Variants in PCDH1 observed in about 807,000 individuals in gnomAD.
The protein encoded by PCDH1 is protocadherin 1.
A neutral mutation model predicts 74.6 loss-of-function variants in PCDH1; 23 were observed. That is an observed-to-expected ratio of 0.31 (90% CI 0.22 to 0.44). The LOEUF (loss-of-function observed/expected upper bound fraction) is 0.44. Among genes scored for constraint, PCDH1 ranks in the 20% least tolerant of loss-of-function variants. The pLI is 1.00. For missense variants in PCDH1, 1,214 were observed against 1,641.4 expected (o/e 0.74, Z 4.50); for synonymous variants, 647 against 686.1 (o/e 0.94, Z 0.89).
In PCDH1 at chr5:141,854,207, G is replaced by A; in HGVS notation, c.3549C>T (p.Ala1183=). The A allele has an allele frequency of 1.2e-6, 2 of 1,610,574 alleles. No individual in the cohort carries two copies. The highest frequency in any genetic ancestry group is 1.7e-6 in the Non-Finnish European group (2 of 1,177,776). ...TGTAGGAGGGCAGGAGGCGCACGGGGGCCGTTTTGGTGTTCCGGTCTTCCG... is the reference window on the plus strand; with the variant it reads ...TGTAGGAGGGCAGGAGGCGCACGGGAGCCGTTTTGGTGTTCCGGTCTTCCG... ...SPPEDRNTKT[A]PVRLLPSYSA... The change falls in exon 5 of 5, where the codon GCC becomes GCT. Residue 1183 remains alanine (A), a synonymous_variant. Transcript: ENST00000287008.
At chr5:141,862,985 G>A in intron 3 of PCDH1, 1 of 1,253,084 alleles carries the variant, frequency 8.0e-7, no homozygotes. Context: ...CAAATCACAG[G>A]TCTCTCCCCA....
chr5:141,854,576 A>G, intron 4 of PCDH1, 140 bp from the exon 5 acceptor site: 2 of 816,094 alleles, frequency 2.5e-6, no homozygotes, highest in Non-Finnish European at 3.7e-6. Context: ...TCACAGGCAC[A>G]CACACCCTCA....
chr5:141,878,015 C>T lies in PCDH1; in HGVS notation c.40+208G>A, dbSNP rs542548140. Among the ~76,000 whole-genome samples the T allele has an allele frequency of 2.0e-3, 312 of 152,292 alleles. 3 individuals carry two copies. The highest frequency in any genetic ancestry group is 7.1e-3 in the African/African-American group (296 of 41,580). ...CTCAGCACCCCCTCCCCTCCCTCGG[C>T]TTCTCGCCGCGGACCTGGGAGGACG... On this transcript the variant is annotated intron_variant, in intron 1 of 4. Transcript: ENST00000287008. This position sits in a 1 kb window ranked among gnomAD's most constrained non-coding sequence, Gnocchi z 5.5.
Position 141,863,333 on chromosome 5 carries a change from C to A in PCDH1, c.2998G>T (p.Ala1000Ser). 6.5e-7 allele frequency: 1 copy of A among 1,546,616 alleles called. No homozygotes were observed. The highest frequency in any genetic ancestry group is 8.7e-7 in the Non-Finnish European group (1 of 1,145,202). The change falls in exon 3 of 5, where the codon GCA becomes TCA. Residue 1000 changes from alanine (A) to serine (S), a missense_variant. Around this residue, in one of 4 missense-constraint regions of PCDH1, gnomAD observed 836 missense variants for 1,182.2 expected, o/e 0.71. Transcript: ENST00000287008. The surrounding 1 kb of genome is among the most constrained non-coding windows in gnomAD (Gnocchi z 7.5). ...KHQVVQDLPP[A>S]NTFVGTGDTT... Reference sequence around the variant, plus strand: ...TCCCCGGTGCCCACGAATGTGTTTGCAGGTGGCAGGTCCTGTACCACCTGG... The same window carrying A: ...TCCCCGGTGCCCACGAATGTGTTTGAAGGTGGCAGGTCCTGTACCACCTGG...
Position 141,869,074 on chromosome 5 carries a change from A to G in PCDH1, c.398T>C (p.Ile133Thr). ...TGTGATAGATACCTCAAACTCCAGG[A>G]TGCAGGGATCACCAGGGAGCTGGTT... ...CQNQLPGDPCILEFEVSITDL... is the reference protein window; with the variant it reads ...CQNQLPGDPCTLEFEVSITDL... The change falls in exon 2 of 5, where the codon ATC becomes ACC. Residue 133 changes from isoleucine (I) to threonine (T), a missense_variant. By Grantham distance (89) the Ile-to-Thr change is moderately conservative. Coordinates refer to ENST00000287008, the MANE Select transcript of PCDH1 (RefSeq NM_032420.5). The surrounding 1 kb of genome is among the most constrained non-coding windows in gnomAD (Gnocchi z 4.9). 6.2e-7 allele frequency: 1 copy of G among 1,613,280 alleles called. No individual in the cohort carries two copies. Among genetic ancestry groups the G allele is most frequent in the Non-Finnish European group, 8.5e-7 (1 of 1,179,942 alleles).
Position 141,869,181 on chromosome 5 carries a change from C to A in PCDH1, c.291G>T (p.Pro97=), listed in dbSNP as rs751052414. The A allele has an allele frequency of 6.2e-7, 1 of 1,613,822 alleles. No homozygotes were observed. Among genetic ancestry groups the A allele is most frequent in the Non-Finnish European group, 8.5e-7 (1 of 1,179,964 alleles). Residue 97 remains proline (P), a synonymous_variant, in exon 2 of 5, where the codon CCG becomes CCT. Coordinates refer to ENST00000287008, the MANE Select transcript of PCDH1 (RefSeq NM_032420.5). This position sits in a 1 kb window ranked among gnomAD's most constrained non-coding sequence, Gnocchi z 4.9. ...CTGTCTTGCCATCCACGCGAAGGTA[C>A]GGGGCACCCACCTCTAGCTTGTACA... is the stretch of plus-strand genomic sequence containing the variant. ...GHLYKLEVGA[P]YLRVDGKTGD... is the part of the protein sequence containing the mutation.
In PCDH1 at chr5:141,857,367, C is replaced by T. The variant is rs199988345; in HGVS notation, c.3204G>A (p.Thr1068=). 1.5e-5 allele frequency: 25 copies of T among 1,613,950 alleles called. No homozygotes were observed. In the East Asian group the frequency reaches 2.2e-4, roughly 14 times the overall value. Residue 1068 remains threonine (T), a synonymous_variant, in exon 4 of 5, where the codon ACG becomes ACA. Transcript: ENST00000287008. Reference sequence around the variant, plus strand: ...GCCCTGAGGATGACTTGCTGGACGGCGTCTCAGACTCCTCCAGGCCACTGT... The same window carrying T: ...GCCCTGAGGATGACTTGCTGGACGGTGTCTCAGACTCCTCCAGGCCACTGT... ...YYDSGLEESE[T]PSSKSSSGPR...
chr5:141,859,131 G>T (rs1353927106), intron 3 of PCDH1, among the ~76,000 whole-genome samples: 1 of 152,140 alleles, frequency 6.6e-6, no homozygotes, highest in Non-Finnish European at 1.5e-5. Flanking sequence ...GGGCCGGGAG[G>T]CTATAAAGGA....
intron 1 of PCDH1, among the ~76,000 whole-genome samples, chr5:141,872,187 A>G (rs918193149): frequency 7.9e-6 from 1 of 126,592 alleles, no homozygotes; most frequent in African/African-American, 3.1e-5. Flanking sequence ...TTCAACCCCA[A>G]CCCAAACACA....
chr5:141,854,460 C>G (rs1159057995), intron 4 of PCDH1, 24 bp from the exon 5 acceptor site: 2 of 1,574,902 alleles, frequency 1.3e-6, no homozygotes, highest in African/African-American at 1.3e-5. Context: ...CGGGGAAGGA[C>G]AATTGTCAGA....
intron 3 of PCDH1, among the ~76,000 whole-genome samples, chr5:141,861,114 T>TAAA (rs1808856073): frequency 5.0e-5 from 1 of 19,862 alleles, no homozygotes. Flanking sequence ...AAACTCCATC[T>TAAA]CAAAAAAAAA....
Position 141,865,144 on chromosome 5 carries a change from G to A in PCDH1, c.1187C>T (p.Thr396Ile). 6.2e-7 allele frequency: 1 copy of A among 1,614,172 alleles called. No homozygotes were observed. The highest frequency in any genetic ancestry group is 8.5e-7 in the Non-Finnish European group (1 of 1,180,038). ...TIEIRGIGLV[T>I]HQDGMANISE... is the part of the protein sequence containing the mutation. The stretch of plus-strand genomic sequence containing the variant: ...GATGTTAGCCATCCCATCTTGATGA[G>A]TCACTAGCCCTATGCCCCGGATCTC... The change falls in exon 3 of 5, where the codon ACT becomes ATT. Residue 396 changes from threonine (T) to isoleucine (I), a missense_variant. Thr to Ile is a moderately conservative substitution (Grantham distance 89, BLOSUM62 -1). This residue lies in a region of PCDH1 where 836 missense variants were observed against 1,182.2 expected (regional missense o/e 0.71). Coordinates refer to ENST00000287008, the MANE Select transcript of PCDH1 (RefSeq NM_032420.5). The surrounding 1 kb of genome is among the most constrained non-coding windows in gnomAD (Gnocchi z 4.4).
rs1384688058 is a variant in PCDH1, at chr5:141,855,234, CAG to C, written c.3320-800_3320-799del. On this transcript the variant is annotated intron_variant, in intron 4 of 4. Coordinates refer to ENST00000287008, the MANE Select transcript of PCDH1 (RefSeq NM_032420.5). Reference sequence around the variant, plus strand: ...AAGCAATCCGCCTGCCTCAGCCTCCCAGAGTGTTGGAATTACAGGCATGAGCC... The same window carrying C: ...AAGCAATCCGCCTGCCTCAGCCTCCCAGTGTTGGAATTACAGGCATGAGCC... Among the ~76,000 whole-genome samples, 5 of 152,112 alleles carry C rather than the reference CAG, an allele frequency of 3.3e-5. No homozygotes were observed. In the East Asian group the frequency reaches 9.6e-4, roughly 29 times the overall value.
In PCDH1 at chr5:141,865,970, T is replaced by A. The variant is rs1344607197; in HGVS notation, c.904-543A>T. The A allele has an allele frequency of 1.3e-6, 1 of 782,590 alleles. No individual in the cohort carries two copies. The highest frequency in any genetic ancestry group is 1.6e-6 in the Non-Finnish European group (1 of 640,358). The allele number at this position is 782,590 out of a possible 1,614,324, so 48.5% of individuals were successfully genotyped here. A position where few individuals can be genotyped will look rare whatever the true frequency, so the allele number is the denominator to read the frequency against. ...GTGTGAGAAGGTATATGTGTTTGTATGTGTATGATTGTGTCAGAATGTGTG... is the reference window on the plus strand; with the variant it reads ...GTGTGAGAAGGTATATGTGTTTGTAAGTGTATGATTGTGTCAGAATGTGTG... On this transcript the variant is annotated intron_variant, in intron 2 of 4. Coordinates refer to ENST00000287008, the MANE Select transcript of PCDH1 (RefSeq NM_032420.5). This position sits in a 1 kb window ranked among gnomAD's most constrained non-coding sequence, Gnocchi z 4.4.
chr5:141,854,447 G>C lies in PCDH1; in HGVS notation c.3320-11C>G, dbSNP rs745723288. On this transcript the variant is annotated splice_polypyrimidine_tract_variant and intron_variant, in intron 4 of 4. Coordinates refer to ENST00000287008, the MANE Select transcript of PCDH1 (RefSeq NM_032420.5). ...GCAAAGGGCGAAGGTCTGTAGGAGG[G>C]AGCGGGGAAGGACAATTGTCAGACA... 6.9e-6 allele frequency: 11 copies of C among 1,587,920 alleles called. No individual in the cohort carries two copies. The highest frequency in any genetic ancestry group is 1.2e-5 in the South Asian group (1 of 86,528).
Position 141,864,634 on chromosome 5 carries a change from A to C in PCDH1, c.1697T>G (p.Val566Gly). ...CTGTTCCCGATCCAGAGATGTCTTC[A>C]CCTGGATCTCTCCAGTCTCGGGTGA... ...TISPETGEIQ[V>G]KTSLDREQRE... is the part of the protein sequence containing the mutation. Residue 566 changes from valine (V) to glycine (G), a missense_variant, in exon 3 of 5, where the codon GTG becomes GGG. Val to Gly is a moderately radical substitution (Grantham distance 109). This residue lies in a region of PCDH1 where 836 missense variants were observed against 1,182.2 expected (regional missense o/e 0.71). Transcript: ENST00000287008. The surrounding 1 kb of genome is among the most constrained non-coding windows in gnomAD (Gnocchi z 5.9). The C allele has an allele frequency of 1.2e-6, 2 of 1,613,610 alleles. No individual in the cohort carries two copies. The highest frequency in any genetic ancestry group is 1.3e-5 in the African/African-American group (1 of 75,010).
At chr5:141,866,133 G>T in intron 2 of PCDH1, 2 of 985,512 alleles carry the variant, frequency 2.0e-6, no homozygotes, top group Non-Finnish European at 2.4e-6. Flanking sequence ...TAGGGTTGTG[G>T]GTCAGAGAAG....
At chr5:141,873,299 T>TA (rs1319313199) in intron 1 of PCDH1, among the ~76,000 whole-genome samples, 2 of 149,776 alleles carry the variant, frequency 1.3e-5, no homozygotes, top group Non-Finnish European at 3.0e-5. Flanking sequence ...CTAAATTTTT[T>TA]TTTTTTTTTT....
At chr5:141,871,375 T>C (rs1753093172) in intron 1 of PCDH1, among the ~76,000 whole-genome samples, 1 of 152,238 alleles carries the variant, frequency 6.6e-6, no homozygotes, top group South Asian at 2.1e-4. Flanking sequence ...TATTTGTCCA[T>C]TTTGTTTGGT....
Sources: gnomAD v4.1 joint callset for allele counts (sites outside exome capture counted in the v4.1 genomes callset) on GRCh38, gnomAD v4.1.1 for gene constraint, gnomAD v4.1.1 regional missense constraint, Gnocchi (gnomAD v3.1) non-coding constraint, MANE v1.5 for transcripts, NCBI Gene and HGNC (gene_info 2026-07-23, HGNC 2026-07-21) for gene names.